The following SCAI variants were observed in gnomAD, a reference collection of about 807,000 sequenced individuals.
The protein encoded by SCAI is protein SCAI.
In SCAI, 24 loss-of-function variants were observed where a neutral mutation model predicts 92.2. That is an observed-to-expected ratio of 0.26 (90% confidence interval 0.19 to 0.37). The LOEUF is 0.37. Ranked by LOEUF, SCAI falls within the 10% of genes least tolerant of loss-of-function variation. SCAI has a pLI of 1.00. For missense variants in SCAI, 450 were observed against 736.2 expected, an observed-to-expected ratio of 0.61 and a Z score of 4.50; for synonymous variants, 261 against 258.6, an observed-to-expected ratio of 1.01 and a Z score of -0.09.
intron 3 of SCAI, among the ~76,000 whole-genome samples, chr9:125,044,815 C>T (rs1833402090): frequency 6.6e-6 from 1 of 152,168 alleles, no homozygotes; most frequent in South Asian, 2.1e-4. Flanking sequence ...TGGTTCCTGG[C>T]ATCTCCAAGC....
At chr9:125,079,875 C>T (rs1208787836) in intron 2 of SCAI, among the ~76,000 whole-genome samples, 2 of 152,068 alleles carry the variant, frequency 1.3e-5, no homozygotes, top group African/African-American at 4.8e-5. Flanking sequence ...GGAATTAGAC[C>T]CCAAAGTCTG....
chr9:125,118,607 T>A (rs1399258403), intron 2 of SCAI, among the ~76,000 whole-genome samples: 1 of 152,112 alleles, frequency 6.6e-6, no homozygotes, highest in Admixed American at 6.6e-5. Context: ...GGTATACATG[T>A]TCCTTGGTGG....
At chr9:125,054,328 A>G (rs1165105464) in intron 3 of SCAI, among the ~76,000 whole-genome samples, 1 of 152,198 alleles carries the variant, frequency 6.6e-6, no homozygotes, top group Non-Finnish European at 1.5e-5. Flanking sequence ...ATGTGTTCCT[A>G]TCTGTGAAAT....
rs192994472 is a variant in SCAI at position 125,007,366 on chromosome 9, G to A, written c.862-3796C>T. Among the ~76,000 whole-genome samples the A allele has an allele frequency of 3.0e-3, 462 of 152,144 alleles. 4 individuals are homozygous for A. The highest frequency in any genetic ancestry group is 0.01 in the African/African-American group (434 of 41,550). On this transcript the variant is annotated intron_variant, in intron 9 of 17. Transcript: ENST00000336505. ...GGTAGAACACAAATGAAGAAATAGA[G>A]AATTCTGCCAGAGAATTAAAATCTA...
At chr9:124,995,988 A>G (rs574986028) in intron 13 of SCAI, among the ~76,000 whole-genome samples, 41 of 152,304 alleles carry the variant, frequency 2.7e-4, no homozygotes, top group African/African-American at 9.4e-4. Flanking sequence ...ATGTGGATAG[A>G]TACTAATGTA....
At chr9:124,953,541 G>C (rs897192398) in intron 17 of SCAI, among the ~76,000 whole-genome samples, 1 of 152,176 alleles carries the variant, frequency 6.6e-6, no homozygotes, top group Non-Finnish European at 1.5e-5. Flanking sequence ...CAGGAGAACT[G>C]CTTGAACCCG....
intron 2 of SCAI, among the ~76,000 whole-genome samples, chr9:125,108,519 C>T (rs1834859976): frequency 6.6e-6 from 1 of 151,738 alleles, no homozygotes; most frequent in African/African-American, 2.4e-5. Flanking sequence ...CTCTGCCCGG[C>T]TGCGACCCCA....
chr9:125,046,341 A>ATGTGTG (rs139304609), intron 3 of SCAI, among the ~76,000 whole-genome samples: 29,730 of 80,214 alleles, frequency 0.37, 7,470 homozygotes, highest in Non-Finnish European at 0.5. Context: ...ACATATATAT[A>ATGTGTG]TGTGTGTGTG....
rs935057620 is a variant in SCAI at position 124,988,481 on chromosome 9, A to T, written c.1326+6453T>A. Among the ~76,000 whole-genome samples, 4 of 152,194 alleles carry T rather than the reference A, an allele frequency of 2.6e-5. No homozygotes were observed. The East Asian group carries it at 7.7e-4, about 29-fold the overall frequency. ...CAAAGGAAAGTGATATATTTCAACCATGATTTAAAAAAACCCAAAATAATT... is the reference window on the plus strand; with the variant it reads ...CAAAGGAAAGTGATATATTTCAACCTTGATTTAAAAAAACCCAAAATAATT... On this transcript the variant is annotated intron_variant, in intron 14 of 17. Coordinates refer to ENST00000336505, the MANE Select transcript of SCAI (RefSeq NM_001144877.3).
chr9:125,050,289 A>G (rs1327038534), intron 3 of SCAI, among the ~76,000 whole-genome samples: 1 of 152,152 alleles, frequency 6.6e-6, no homozygotes, highest in Non-Finnish European at 1.5e-5. Flanking sequence ...AGGTGGGCGC[A>G]GGGGGATAGC....
At position 124,976,106 on chromosome 9, in the gene SCAI, G is replaced by T. The variant is rs559698997; in HGVS notation, c.1399+8C>A. ...CCTATGGCTATACCAGGCAATGAGG[G>T]TACATACCTTGTAAAGCTTTTGGAT... On this transcript the variant is annotated splice_region_variant and intron_variant, in intron 15 of 17. Transcript: ENST00000336505. 2 of 1,579,012 alleles carry T rather than the reference G, an allele frequency of 1.3e-6. No homozygotes were observed. The highest frequency in any genetic ancestry group is 1.3e-5 in the African/African-American group (1 of 74,310).
At chr9:125,094,381 T>C (rs1199025428) in intron 2 of SCAI, among the ~76,000 whole-genome samples, 2 of 152,254 alleles carry the variant, frequency 1.3e-5, no homozygotes, top group African/African-American at 2.4e-5. Context: ...TTCACTGTAA[T>C]CTCAGCTTGG....
chr9:124,956,897 T>G (rs752928559), intron 17 of SCAI, among the ~76,000 whole-genome samples: 2 of 151,976 alleles, frequency 1.3e-5, no homozygotes, highest in Non-Finnish European at 2.9e-5. Context: ...ATGGATGACA[T>G]GATCTTGTAT....
In SCAI at chr9:125,096,164, G is replaced by A. The variant is rs150376556; in HGVS notation, c.99-40157C>T. 2.0e-5 allele frequency among the ~76,000 whole-genome samples: 3 copies of A among 152,310 alleles called. No homozygotes were observed. In the East Asian group the frequency reaches 5.8e-4, roughly 29 times the overall value. On this transcript the variant is annotated intron_variant, in intron 2 of 17. Transcript: ENST00000336505. Reference sequence around the variant, plus strand: ...ATACAGGAAAAAGGGTTTAATGGGGGTGCCTCATAATCATGGCAGAAGGCA... The same window carrying A: ...ATACAGGAAAAAGGGTTTAATGGGGATGCCTCATAATCATGGCAGAAGGCA...
At chr9:124,973,785 G>A (rs540358562) in intron 15 of SCAI, among the ~76,000 whole-genome samples, 3 of 151,996 alleles carry the variant, frequency 2.0e-5, no homozygotes, top group East Asian at 1.9e-4. Flanking sequence ...CTGAGACTGC[G>A]CCACTGCATC....
intron 3 of SCAI, among the ~76,000 whole-genome samples, chr9:125,039,392 AAAAAAAAAAAAAG>A (rs925155812): frequency 8.6e-5 from 13 of 151,536 alleles, no homozygotes; most frequent in African/African-American, 2.9e-4. Context: ...TCTCAAAAAA[AAAAAAAAAAAAAG>A]AAAAGAAAAA....
intron 2 of SCAI, among the ~76,000 whole-genome samples, chr9:125,074,481 C>A (rs59842227): frequency 6.7e-6 from 1 of 148,488 alleles, no homozygotes; most frequent in African/African-American, 2.5e-5. Context: ...TGGTCTCGAA[C>A]TCCTGACCTC....
chr9:125,070,054 A>G (rs376571073), intron 2 of SCAI, among the ~76,000 whole-genome samples: 1 of 152,006 alleles, frequency 6.6e-6, no homozygotes. Flanking sequence ...AAGTTGTTGC[A>G]CAAAATGAAC....
intron 2 of SCAI, among the ~76,000 whole-genome samples, chr9:125,119,309 A>G (rs1377690154): frequency 6.6e-6 from 1 of 152,238 alleles, no homozygotes; most frequent in African/African-American, 2.4e-5. Context: ...TGTGGTCTGA[A>G]TCATTCCGAA....
Sources: allele counts gnomAD v4.1 joint callset (sites outside exome capture counted in the v4.1 genomes callset), GRCh38; gene constraint gnomAD v4.1.1; transcripts MANE v1.5; gene names NCBI Gene and HGNC (gene_info 2026-07-23, HGNC 2026-07-21).